Variants in GBX1 observed in about 807,000 individuals in gnomAD.
GBX1 encodes the protein gastrulation brain homeobox 1, also known as homeobox protein GBX-1.
Under a neutral mutation model 22.9 loss-of-function variants are expected in GBX1, and 9 were observed. The observed-to-expected ratio is 0.39, with a 90% CI of 0.24 to 0.69. The LOEUF is 0.69. Among genes scored for constraint, GBX1 ranks in the 30% least tolerant of loss-of-function variants. The probability of loss-of-function intolerance (pLI) is 0.43; values close to 1 mark genes in which losing one functional copy is unlikely to be tolerated. For missense variants in GBX1, 494 were observed against 509.2 expected, an observed-to-expected ratio of 0.97 and a Z score of 0.29; for synonymous variants, 203 against 227.3, an observed-to-expected ratio of 0.89 and a Z score of 0.96.
At position 151,148,443 on chromosome 7, in the gene GBX1, G is replaced by C; in HGVS notation, c.*146C>G. On this transcript the variant is annotated 3_prime_UTR_variant, in exon 2 of 2. Coordinates refer to ENST00000297537, the MANE Select transcript of GBX1 (RefSeq NM_001098834.3). The surrounding 1 kb of genome is among the most constrained non-coding windows in gnomAD (Gnocchi z 5.1). ...TCAGGTTCTGGGAGGAGTCTGGGAA[G>C]AGCACACCCAGGGCTAGGTTAATTG... 1 of 735,490 alleles carries C rather than the reference G, an allele frequency of 1.4e-6. No individual in the cohort carries two copies. The allele number at this position is 735,490 out of a possible 1,614,324, so 45.6% of individuals were successfully genotyped here.
At chr7:151,149,353 G>C (rs970668118) in intron 1 of GBX1, among the ~76,000 whole-genome samples, 7 of 152,172 alleles carry the variant, frequency 4.6e-5, no homozygotes, top group African/African-American at 1.7e-4. Flanking sequence ...GGAAAACAAA[G>C]AAATGGGAAG....
intron 1 of GBX1, among the ~76,000 whole-genome samples, chr7:151,149,580 A>G (rs999754810): frequency 4.6e-5 from 7 of 152,144 alleles, no homozygotes; most frequent in African/African-American, 1.7e-4. Flanking sequence ...ATGAAGCAGT[A>G]TGGGACCCGG....
intron 1 of GBX1, among the ~76,000 whole-genome samples, chr7:151,155,976 C>T (rs921629495): frequency 3.3e-5 from 5 of 152,146 alleles, no homozygotes; most frequent in African/African-American, 7.2e-5. Context: ...CTGCAGTTAA[C>T]GCTGTTTTCA....
chr7:151,158,451 G>C (rs1037699356), intron 1 of GBX1, among the ~76,000 whole-genome samples: 5 of 149,048 alleles, frequency 3.4e-5, no homozygotes, highest in Admixed American at 3.3e-4. Context: ...GAGTTTTTTT[G>C]TTTTTGTTTT....
intron 1 of GBX1, among the ~76,000 whole-genome samples, chr7:151,165,390 T>C (rs1336018822): frequency 3.3e-5 from 5 of 152,132 alleles, no homozygotes; most frequent in African/African-American, 1.2e-4. Flanking sequence ...CTCCATCCTC[T>C]CTCTTCAGCT....
chr7:151,157,968 G>A (rs543279701), intron 1 of GBX1, among the ~76,000 whole-genome samples: 4 of 152,180 alleles, frequency 2.6e-5, no homozygotes, highest in African/African-American at 9.7e-5. Flanking sequence ...AATGAAGAAA[G>A]CTGTCTTAAG....
intron 1 of GBX1, among the ~76,000 whole-genome samples, chr7:151,156,466 CCA>C (rs534615668): frequency 5.4e-5 from 8 of 147,174 alleles, no homozygotes; most frequent in Non-Finnish European, 1.0e-4. Flanking sequence ...TCACTTACTA[CCA>C]CAGAGTCCTA....
intron 1 of GBX1, among the ~76,000 whole-genome samples, chr7:151,156,411 A>C (rs796810945): frequency 5.4e-5 from 8 of 147,920 alleles, no homozygotes; most frequent in South Asian, 2.1e-4. Flanking sequence ...AAAAAAAAAA[A>C]AAAAACGAAA....
At chr7:151,156,406 A>AC (rs1801135255) in intron 1 of GBX1, among the ~76,000 whole-genome samples, 2 of 149,042 alleles carry the variant, frequency 1.3e-5, no homozygotes, top group Non-Finnish European at 3.0e-5. Context: ...AAAAAAAAAA[A>AC]AAAAAAAAAA....
intron 1 of GBX1, among the ~76,000 whole-genome samples, chr7:151,151,872 CT>C (rs896274816): frequency 6.6e-6 from 1 of 152,216 alleles, no homozygotes; most frequent in Non-Finnish European, 1.5e-5. Context: ...ATACACTACT[CT>C]TCACCTAGAT....
intron 1 of GBX1, 69 bp downstream of exon 1, chr7:151,166,942 A>C: frequency 6.6e-7 from 1 of 1,517,746 alleles, no homozygotes; most frequent in Non-Finnish European, 9.1e-7. Context: ...CGAGGTTCCG[A>C]GCAGGTTCCT....
At chr7:151,149,324 G>C (rs1332966420) in intron 1 of GBX1, among the ~76,000 whole-genome samples, 182 bp from the exon 2 acceptor site, 1 of 152,152 alleles carries the variant, frequency 6.6e-6, no homozygotes, top group Non-Finnish European at 1.5e-5. Context: ...TCCAGGATAT[G>C]GAATGGGAAG....
Position 151,167,213 on chromosome 7 carries a change from G to A in GBX1, c.336C>T (p.Pro112=). Residue 112 remains proline (P), a synonymous_variant, in exon 1 of 2, where the codon CCC becomes CCT. Coordinates refer to ENST00000297537, the MANE Select transcript of GBX1 (RefSeq NM_001098834.3). The surrounding 1 kb of genome is among the most constrained non-coding windows in gnomAD (Gnocchi z 5.9). ...GCTCCTGGGGCCCGTAGAAAGCGTC[G>A]GGCGGCTCCGCGAAGCTGGGCAGCG... is the stretch of plus-strand genomic sequence containing the variant. ...TTALPSFAEP[P]DAFYGPQELA... The A allele has an allele frequency of 6.4e-7, 1 of 1,560,174 alleles. No homozygotes were observed. The highest frequency in any genetic ancestry group is 8.7e-7 in the Non-Finnish European group (1 of 1,155,116).
chr7:151,151,107 C>T (rs1801074571), intron 1 of GBX1, among the ~76,000 whole-genome samples: 1 of 152,188 alleles, frequency 6.6e-6, no homozygotes, highest in African/African-American at 2.4e-5. Context: ...CTTCATACCT[C>T]GAAGGTGTTT....
chr7:151,148,809 C>T lies in GBX1; in HGVS notation c.872G>A (p.Arg291His). Reference protein sequence around the residue: ...HCKKYLSLTERSQIAHALKLS... With the variant: ...HCKKYLSLTEHSQIAHALKLS... ...CTTGAGGGCGTGGGCGATCTGAGAG[C>T]GCTCTGTCAAGCTCAGGTATTTCTT... Residue 291 changes from arginine to histidine, a missense_variant, in exon 2 of 2, where the codon CGC (arginine) becomes CAC (histidine). Arg to His is a conservative substitution (Grantham distance 29). Coordinates refer to ENST00000297537, the MANE Select transcript of GBX1 (RefSeq NM_001098834.3). The surrounding 1 kb of genome is among the most constrained non-coding windows in gnomAD (Gnocchi z 5.1). The T allele has an allele frequency of 6.2e-7, 1 of 1,614,160 alleles. No homozygotes were observed. The highest frequency in any genetic ancestry group is 8.5e-7 in the Non-Finnish European group (1 of 1,180,034).
At chr7:151,154,208 A>C (rs1199436409) in intron 1 of GBX1, among the ~76,000 whole-genome samples, 2 of 150,220 alleles carry the variant, frequency 1.3e-5, no homozygotes, top group Non-Finnish European at 3.0e-5. Context: ...CTCTGTCTCG[A>C]AAAAAAAAAG....
intron 1 of GBX1, among the ~76,000 whole-genome samples, chr7:151,156,984 C>CAA (rs34479548): frequency 0.049 from 2,411 of 49,318 alleles, 132 homozygotes; most frequent in Non-Finnish European, 0.06. Context: ...GACTCTGTCT[C>CAA]AAAAAAAAAA....
chr7:151,163,057 C>T (rs570645542), intron 1 of GBX1, among the ~76,000 whole-genome samples: 7 of 152,244 alleles, frequency 4.6e-5, no homozygotes, highest in South Asian at 2.1e-4. Context: ...CTGCCCATCT[C>T]GGCCTCCCAA....
intron 1 of GBX1, among the ~76,000 whole-genome samples, chr7:151,156,855 C>T (rs1470328879): frequency 2.0e-5 from 3 of 151,538 alleles, no homozygotes; most frequent in African/African-American, 4.9e-5. Context: ...CATGGCGGTG[C>T]GCGCCTGTAA....
Sources: allele counts gnomAD v4.1 joint callset (sites outside exome capture counted in the v4.1 genomes callset), GRCh38; gene constraint gnomAD v4.1.1; non-coding constraint Gnocchi (gnomAD v3.1); transcripts MANE v1.5; gene names NCBI Gene and HGNC (gene_info 2026-07-23, HGNC 2026-07-21).